Variants in EDA2R observed in about 807,000 individuals in gnomAD.
The protein encoded by EDA2R is ectodysplasin A2 receptor.
Under a neutral mutation model 20.1 loss-of-function variants are expected in EDA2R, and 26 were observed. The ratio of observed to expected loss-of-function variants is 1.30; its 90% confidence interval spans 0.95 to 1.80. The LOEUF (loss-of-function observed/expected upper bound fraction) is 1.80, where lower values mean the gene tolerates loss of function less well. EDA2R is among the 40% of genes most tolerant of loss of function. EDA2R has a pLI of 0.00. For synonymous variants in EDA2R, 114 were observed against 88.7 expected (o/e 1.29, Z -1.60); for missense variants, 277 against 228.7 (o/e 1.21, Z -1.36).
intron 1 of EDA2R, among the ~76,000 whole-genome samples, chrX:66,620,472 A>T (rs1932418598): frequency 8.9e-6 from 1 of 111,961 alleles, no homozygotes; most frequent in Non-Finnish European, 1.9e-5. Context: ...CAAATGTAAG[A>T]GTTAAAACTA....
chrX:66,635,631 G>A (rs1360113826), intron 1 of EDA2R, among the ~76,000 whole-genome samples: 4 of 112,133 alleles, frequency 3.6e-5, no homozygotes, highest in Middle Eastern at 4.2e-3. Context: ...CAGAGTTGGC[G>A]TAATTGCCCA....
chrX:66,625,553 C>A (rs1392584496), intron 1 of EDA2R, among the ~76,000 whole-genome samples: 1 of 111,175 alleles, frequency 9.0e-6, no homozygotes, highest in African/African-American at 3.3e-5. Flanking sequence ...TTAGCTCTAC[C>A]CCCACCTGAT....
In EDA2R at chrX:66,599,574, A is replaced by G. The variant is rs756952515; in HGVS notation, c.804T>C (p.Tyr268=). 81 of 1,191,975 alleles carry G rather than the reference A, an allele frequency of 6.8e-5. No homozygotes were observed. In the South Asian group the frequency reaches 9.6e-4, roughly 14 times the overall value. Residue 268 remains tyrosine, a synonymous_variant, in exon 6 of 7, where the codon TAT becomes TAC. Coordinates refer to ENST00000374719, the MANE Select transcript of EDA2R (RefSeq NM_021783.5). ...DLQKFSSSAS[Y]TGAETLGGNT... ...TTCCCCCCAAGGTCTCAGCTCCAGTATAGGAGGCAGAGCTGGAAAACTTTT... is the reference window on the plus strand; with the variant it reads ...TTCCCCCCAAGGTCTCAGCTCCAGTGTAGGAGGCAGAGCTGGAAAACTTTT...
intron 1 of EDA2R, among the ~76,000 whole-genome samples, chrX:66,622,480 T>C (rs1485083900): frequency 9.0e-6 from 1 of 111,202 alleles, no homozygotes; most frequent in Non-Finnish European, 1.9e-5. Context: ...GAAGGACAAG[T>C]CTAAATTAAG....
intron 4 of EDA2R, 118 bp from the exon 5 acceptor site, chrX:66,602,915 G>A: frequency 1.5e-6 from 1 of 661,232 alleles, no homozygotes; most frequent in Non-Finnish European, 2.2e-6. Flanking sequence ...CCCAATTAGG[G>A]TGGCTATGCT....
At chrX:66,629,381 G>A (rs915792381) in intron 1 of EDA2R, among the ~76,000 whole-genome samples, 5 of 111,342 alleles carry the variant, frequency 4.5e-5, no homozygotes, top group Admixed American at 1.9e-4. Flanking sequence ...CATCCAAACT[G>A]GTAAAGAGGA....
At chrX:66,616,086 G>A in intron 1 of EDA2R, 56 bp from the exon 2 acceptor site, 1 of 847,776 alleles carries the variant, frequency 1.2e-6, no homozygotes, top group East Asian at 3.2e-5. Context: ...TATAAGTAGT[G>A]GCTTCCATGC....
intron 2 of EDA2R, among the ~76,000 whole-genome samples, chrX:66,611,728 A>C (rs1403994019): frequency 3.6e-5 from 4 of 111,357 alleles, no homozygotes; most frequent in Non-Finnish European, 7.5e-5. Flanking sequence ...TATTGTCAGA[A>C]TCTTATGAAA....
chrX:66,611,954 A>G (rs977319726), intron 2 of EDA2R, among the ~76,000 whole-genome samples: 8 of 111,894 alleles, frequency 7.1e-5, no homozygotes, highest in African/African-American at 2.6e-4. Flanking sequence ...TTACCTATAG[A>G]AAAACACCCA....
rs766083819 is a variant in EDA2R at position 66,598,844 on chromosome X, C to T, written c.*10+630G>A. Reference sequence around the variant, plus strand: ...GAAAACTGGGAATCTACCTACTCTCCTACCTCATGCTACATAAGCTTTGAG... The same window carrying T: ...GAAAACTGGGAATCTACCTACTCTCTTACCTCATGCTACATAAGCTTTGAG... On this transcript the variant is annotated intron_variant, in intron 6 of 6. Coordinates refer to ENST00000374719, the MANE Select transcript of EDA2R (RefSeq NM_021783.5). 1.3e-3 allele frequency among the ~76,000 whole-genome samples: 146 copies of T among 111,744 alleles called. 1 individual carries two copies. Among genetic ancestry groups the T allele is most frequent in the South Asian group, 0.01 (28 of 2,670 alleles).
intron 2 of EDA2R, among the ~76,000 whole-genome samples, chrX:66,611,002 G>A (rs1278238079): frequency 3.6e-5 from 4 of 111,251 alleles, no homozygotes; most frequent in African/African-American, 6.6e-5. Flanking sequence ...ACAAGTGGTC[G>A]AGCATGGGAA....
chrX:66,595,659 T>C lies in EDA2R; in HGVS notation c.*2445A>G, dbSNP rs1569213973. On this transcript the variant is annotated 3_prime_UTR_variant, in exon 7 of 7. Coordinates refer to ENST00000374719, the MANE Select transcript of EDA2R (RefSeq NM_021783.5). ...AGGTTTTTGGATATATTTCTGTTTA[T>C]TGGCCAATATGAAATGTTTGCAGAG... 1.8e-5 allele frequency: 2 copies of C among 112,410 alleles called. No individual in the cohort carries two copies. Among genetic ancestry groups the C allele is most frequent in the African/African-American group, 6.5e-5 (2 of 30,903 alleles). 9.3% of individuals were successfully genotyped at this position (112,410 alleles called of 1,213,427 possible). A position where few individuals can be genotyped will look rare whatever the true frequency, so the allele number is the denominator to read the frequency against.
Position 66,597,787 on chromosome X carries a change from A to C in EDA2R, c.*317T>G, listed in dbSNP as rs1043976119. 2 of 145,424 alleles carry C rather than the reference A, an allele frequency of 1.4e-5. No individual in the cohort carries two copies. Among genetic ancestry groups the C allele is most frequent in the African/African-American group, 3.1e-5 (1 of 31,962 alleles). 12.0% of individuals were successfully genotyped at this position (145,424 alleles called of 1,213,427 possible). On this transcript the variant is annotated 3_prime_UTR_variant, in exon 7 of 7. Transcript: ENST00000374719. ...GGCTTACCTGACCAAAAATGCAGAC[A>C]TGAAAACCCTACCCCATTCACTGTC... is the stretch of plus-strand genomic sequence containing the variant.
chrX:66,620,869 A>T (rs1329188098), intron 1 of EDA2R, among the ~76,000 whole-genome samples: 1 of 107,908 alleles, frequency 9.3e-6, no homozygotes, highest in East Asian at 2.9e-4. Flanking sequence ...AAGACTTACA[A>T]ATGGCCCATA....
At chrX:66,630,569 G>A (rs947207356) in intron 1 of EDA2R, among the ~76,000 whole-genome samples, 4 of 111,043 alleles carry the variant, frequency 3.6e-5, no homozygotes, top group Non-Finnish European at 5.7e-5. Flanking sequence ...TATACAAATG[G>A]CCAACAAACA....
chrX:66,619,379 T>A (rs779654884), intron 1 of EDA2R, among the ~76,000 whole-genome samples: 6 of 112,374 alleles, frequency 5.3e-5, no homozygotes, highest in Admixed American at 1.9e-4. Context: ...TGGAAACTTT[T>A]CCGAGACAAT....
chrX:66,599,201 C>G (rs191126406), intron 6 of EDA2R, among the ~76,000 whole-genome samples: 49 of 111,213 alleles, frequency 4.4e-4, no homozygotes, highest in African/African-American at 1.5e-3. Flanking sequence ...GATAGTGGGG[C>G]CCTGAGAGAG....
intron 5 of EDA2R, among the ~76,000 whole-genome samples, chrX:66,601,445 C>G (rs971747489): frequency 1.8e-5 from 2 of 111,603 alleles, no homozygotes; most frequent in African/African-American, 6.5e-5. Flanking sequence ...CAGTGTTCCC[C>G]GTGTATCCTG....
intron 6 of EDA2R, 30 bp downstream of exon 6, chrX:66,599,431 TTTTGCTTTTTTTG>T: frequency 9.7e-7 from 1 of 1,029,324 alleles, no homozygotes; most frequent in Middle Eastern, 2.8e-4. Flanking sequence ...TTAATTTCTG[TTTTGCTTTTTTTG>T]TTTTTTTCTG....
Sources: gnomAD v4.1 joint callset for allele counts (sites outside exome capture counted in the v4.1 genomes callset) on GRCh38, gnomAD v4.1.1 for gene constraint, MANE v1.5 for transcripts, NCBI Gene and HGNC (gene_info 2026-07-23, HGNC 2026-07-21) for gene names.